Variants in NIN observed in about 807,000 individuals in gnomAD.
NIN encodes the protein glycogen synthase kinase 3 beta-interacting protein.
NIN carries 137 observed loss-of-function variants against 257.6 expected under a neutral mutation model. The observed-to-expected ratio is 0.53, with a 90% CI of 0.46 to 0.61. The LOEUF is 0.61. NIN is among the 20% of genes least tolerant of loss of function. The probability of loss-of-function intolerance (pLI) is 0.00; values close to 1 mark genes in which losing one functional copy is unlikely to be tolerated. For synonymous variants in NIN, 918 were observed against 919.8 expected, an observed-to-expected ratio of 1.00 and a Z score of 0.04; for missense variants, 2,439 against 2,501.2, an observed-to-expected ratio of 0.98 and a Z score of 0.53.
chr14:50,754,535 CAT>C (rs1263944285), intron 20 of NIN, 26 bp downstream of exon 20: 32 of 1,564,258 alleles, frequency 2.0e-5, no homozygotes, highest in Non-Finnish European at 2.7e-5. Flanking sequence ...AATCAAAAAA[CAT>C]TGAGAAATAT....
intron 5 of NIN, among the ~76,000 whole-genome samples, chr14:50,788,982 G>A (rs2043461296): frequency 6.6e-6 from 1 of 152,106 alleles, no homozygotes; most frequent in Non-Finnish European, 1.5e-5. Context: ...TGAGAGCAGG[G>A]GAAACTGAAG....
chr14:50,778,752 ACTCGG>A lies in NIN; in HGVS notation c.475+8_475+12del, dbSNP rs2043015485. The A allele has an allele frequency of 1.2e-6, 2 of 1,613,466 alleles. No homozygotes were observed. Among genetic ancestry groups the A allele is most frequent in the African/African-American group, 2.7e-5 (2 of 74,894 alleles). ...TTCCCTTCCAGGCACGTCCTGACAC[ACTCGG>A]CTCTTACCTTCCGCTTCATACTCCT... On this transcript the variant is annotated splice_region_variant and intron_variant, in intron 6 of 30. Coordinates refer to ENST00000530997, the MANE Select transcript of NIN (RefSeq NM_020921.4).
In NIN at chr14:50,741,464, C is replaced by T. The variant is rs184373865; in HGVS notation, c.5448+118G>A. 3,192 of 771,598 alleles carry T rather than the reference C, an allele frequency of 4.1e-3. 4 individuals carry two copies. Among genetic ancestry groups the T allele is most frequent in the Non-Finnish European group, 5.3e-3 (2,579 of 484,946 alleles). 47.8% of individuals were successfully genotyped at this position (771,598 alleles called of 1,614,324 possible). On this transcript the variant is annotated intron_variant, in intron 25 of 30. Transcript: ENST00000530997. ...AGTGATGGTTATACAAACACAGATA[C>T]ATAAAATATGCATATTTATATGTAC... is the stretch of plus-strand genomic sequence containing the variant.
chr14:50,759,736 A>C (rs1287690553), intron 17 of NIN, 121 bp downstream of exon 17: 1 of 1,019,814 alleles, frequency 9.8e-7, no homozygotes. Flanking sequence ...TGATCCGCCC[A>C]CCTCGGCCTC....
chr14:50,764,775 A>G (rs772903687), intron 14 of NIN, among the ~76,000 whole-genome samples: 3 of 152,122 alleles, frequency 2.0e-5, no homozygotes, highest in Non-Finnish European at 4.4e-5. Context: ...ATCTGTAGAG[A>G]CACAAAGTAC....
rs2040397102 is a variant in NIN at position 50,726,044 on chromosome 14, G to T, written c.6101C>A (p.Thr2034Asn). The change falls in exon 30 of 31, where the codon ACT (threonine) becomes AAT (asparagine). Residue 2034 changes from threonine to asparagine, a missense_variant. This residue lies in a region of NIN where 2,043 missense variants were observed against 2,050.2 expected (regional missense o/e 1.00). Transcript: ENST00000530997. Reference protein sequence around the residue: ...TPQGNQEQLVTVMEERMIEVE... With the variant: ...TPQGNQEQLVNVMEERMIEVE... ...TTCTATCATTCGTTCCTCCATGACAGTTACCAGTTGTTCCTGGTTTCCCTG... is the reference window on the plus strand; with the variant it reads ...TTCTATCATTCGTTCCTCCATGACATTTACCAGTTGTTCCTGGTTTCCCTG... 1 of 1,612,934 alleles carries T rather than the reference G, an allele frequency of 6.2e-7. No homozygotes were observed. Among genetic ancestry groups the T allele is most frequent in the Admixed American group, 1.7e-5 (1 of 59,870 alleles).
At chr14:50,743,666 T>C (rs551021696) in intron 23 of NIN, 137 bp from the exon 24 acceptor site, 1 of 565,734 alleles carries the variant, frequency 1.8e-6, no homozygotes, top group South Asian at 2.1e-5. Context: ...TCAAAGGAAA[T>C]GGTCTTCCTG....
chr14:50,808,519 G>A (rs538000919), intron 3 of NIN, among the ~76,000 whole-genome samples: 69 of 152,306 alleles, frequency 4.5e-4, no homozygotes, highest in Middle Eastern at 6.8e-3. Context: ...GATGTGAATT[G>A]GAGACATTAC....
chr14:50,745,215 C>T (rs944734626), intron 22 of NIN, among the ~76,000 whole-genome samples: 4 of 152,092 alleles, frequency 2.6e-5, no homozygotes, highest in South Asian at 2.1e-4. Flanking sequence ...TTGGGGGTCG[C>T]GGGGCATTCT....
chr14:50,729,407 C>A, intron 29 of NIN, 116 bp downstream of exon 29: 1 of 970,546 alleles, frequency 1.0e-6, no homozygotes. Flanking sequence ...GTAGCTGGGA[C>A]TACAGGTGTG....
chr14:50,727,395 T>A, intron 29 of NIN: 1 of 1,042,470 alleles, frequency 9.6e-7, no homozygotes, highest in Non-Finnish European at 1.2e-6. Flanking sequence ...TGAGAAAATA[T>A]ATAGACTACA....
At chr14:50,731,965 T>C (rs1391595380) in intron 28 of NIN, among the ~76,000 whole-genome samples, 1 of 152,208 alleles carries the variant, frequency 6.6e-6, no homozygotes, top group Non-Finnish European at 1.5e-5. Context: ...TTAGCTATCA[T>C]AGAGGTACAC....
intron 2 of NIN, among the ~76,000 whole-genome samples, chr14:50,826,657 C>T (rs1407128832): frequency 6.6e-6 from 1 of 152,108 alleles, no homozygotes; most frequent in African/African-American, 2.4e-5. Flanking sequence ...AACAATGACA[C>T]CCCAGCTAAA....
At position 50,721,736 on chromosome 14, in the gene NIN, CAA is replaced by C. The variant is rs2040274308; in HGVS notation, c.*1725_*1726del. On this transcript the variant is annotated 3_prime_UTR_variant, in exon 31 of 31. Transcript: ENST00000530997. ...CCAGGGGGAACTCAGGGCTTTCTGACAAGAGCTGTGCAAAAATTCAAAGGTTT... is the reference window on the plus strand; with the variant it reads ...CCAGGGGGAACTCAGGGCTTTCTGACGAGCTGTGCAAAAATTCAAAGGTTT... The C allele has an allele frequency of 9.0e-6, 2 of 221,156 alleles. No individual in the cohort carries two copies. Among genetic ancestry groups the C allele is most frequent in the African/African-American group, 4.5e-5 (2 of 44,692 alleles). 13.7% of individuals were successfully genotyped at this position (221,156 alleles called of 1,614,324 possible). A position where few individuals can be genotyped will look rare whatever the true frequency, so the allele number is the denominator to read the frequency against.
chr14:50,818,653 A>G (rs77539721), intron 3 of NIN, among the ~76,000 whole-genome samples: 1 of 152,334 alleles, frequency 6.6e-6, no homozygotes, highest in East Asian at 1.9e-4. Context: ...AACTCTTTTC[A>G]TAACCTAGTG....
In NIN at chr14:50,761,799, G is replaced by C; in HGVS notation, c.1887C>G (p.Leu629=). ...GGTGGGAAGGACTTACTTTATCTTC[G>C]AGCTCCAGTCTGAGGCAACATATGT... ...HRDICCLRLE[L]EDKVRHYEKQ... The change falls in exon 16 of 31, where the codon CTC becomes CTG. Residue 629 remains leucine (L), a synonymous_variant. Coordinates refer to ENST00000530997, the MANE Select transcript of NIN (RefSeq NM_020921.4). The C allele has an allele frequency of 1.2e-6, 2 of 1,614,048 alleles. No individual in the cohort carries two copies. The highest frequency in any genetic ancestry group is 1.7e-6 in the Non-Finnish European group (2 of 1,179,982).
At chr14:50,746,084 C>G (rs2041524508) in intron 22 of NIN, among the ~76,000 whole-genome samples, 2 of 150,736 alleles carry the variant, frequency 1.3e-5, no homozygotes, top group South Asian at 4.2e-4. Context: ...ACATCCCCAT[C>G]ATGTTGTTTT....
At chr14:50,804,913 G>A (rs73299305) in intron 4 of NIN, among the ~76,000 whole-genome samples, 2,837 of 152,326 alleles carry the variant, frequency 0.019, 102 homozygotes, top group African/African-American at 0.065. Context: ...ATGGGCCGTG[G>A]GTTGGACAAG....
At chr14:50,728,944 T>TGAC (rs1475525707) in intron 29 of NIN, among the ~76,000 whole-genome samples, 4 of 152,242 alleles carry the variant, frequency 2.6e-5, no homozygotes, top group African/African-American at 9.6e-5. Context: ...TCACTTGTGA[T>TGAC]TTTCATGGGA....
Sources: gnomAD v4.1 joint callset for allele counts (sites outside exome capture counted in the v4.1 genomes callset) on GRCh38, gnomAD v4.1.1 for gene constraint, gnomAD v4.1.1 regional missense constraint, MANE v1.5 for transcripts, NCBI Gene and HGNC (gene_info 2026-07-23, HGNC 2026-07-21) for gene names.